CAT: variants seen among roughly 807,000 people sequenced by gnomAD.
CAT encodes catalase.
CAT carries 43 observed loss-of-function variants against 59.0 expected under a neutral mutation model. That is an observed-to-expected ratio of 0.73 (90% CI 0.57 to 0.94). The LOEUF (loss-of-function observed/expected upper bound fraction) is 0.94, where lower values mean the gene tolerates loss of function less well. Among genes scored for constraint, CAT ranks in the 40% least tolerant of loss-of-function variants. The probability of loss-of-function intolerance (pLI) is 0.00; values close to 1 mark genes in which losing one functional copy is unlikely to be tolerated. For missense variants in CAT, 664 were observed against 682.9 expected, an observed-to-expected ratio of 0.97 and a Z score of 0.31; for synonymous variants, 218 against 230.9, an observed-to-expected ratio of 0.94 and a Z score of 0.51.
At chr11:34,443,281 A>G (rs2133177080) in intron 1 of CAT, among the ~76,000 whole-genome samples, 1 of 152,324 alleles carries the variant, frequency 6.6e-6, no homozygotes, top group African/African-American at 2.4e-5. Flanking sequence ...AACACAGTCA[A>G]CCATGTGAAA....
At chr11:34,470,616 A>G in intron 11 of CAT, 1 of 351,676 alleles carries the variant, frequency 2.8e-6, no homozygotes, top group East Asian at 7.1e-5. Context: ...AAGACAGTAC[A>G]TTCGAAGGGT....
Position 34,450,204 on chromosome 11 carries a change from A to G in CAT, c.239-784A>G, listed in dbSNP as rs1856506833. Among the ~76,000 whole-genome samples, 7 of 152,364 alleles carry G rather than the reference A, an allele frequency of 4.6e-5. 1 individual carries two copies. The South Asian group carries it at 1.4e-3, about 32-fold the overall frequency. ...CTGCTGTACAGAAATACAGACATAG[A>G]CACATGCACTGCAATTGCAACTAAG... On this transcript the variant is annotated intron_variant, in intron 2 of 12. Transcript: ENST00000241052.
chr11:34,445,745 TTC>T (rs1856446096), intron 1 of CAT, among the ~76,000 whole-genome samples: 1 of 152,064 alleles, frequency 6.6e-6, no homozygotes, highest in African/African-American at 2.4e-5. Context: ...AGAGAAGCTT[TTC>T]TCTCTTTAAA....
In CAT at chr11:34,451,001, CT is replaced by C; in HGVS notation, c.255del (p.Phe85LeufsTer50). ...CTTTCTCGTTAGGGGCCTTTGGCTA[CT>C]TTGAGGTCACACATGACATTACCAA... ...HAKGAGAFGYFEVTHDITKYS... is the reference protein window; with the variant it reads ...HAKGAGAFGYXEVTHDITKYS... On this transcript the variant is annotated frameshift_variant, in exon 3 of 13. Coordinates refer to ENST00000241052, the MANE Select transcript of CAT (RefSeq NM_001752.4). LOFTEE classifies it high-confidence loss of function. 3 of 1,611,666 alleles carry C rather than the reference CT, an allele frequency of 1.9e-6. No homozygotes were observed. Among genetic ancestry groups the C allele is most frequent in the African/African-American group, 1.3e-5 (1 of 74,980 alleles).
At chr11:34,466,776 G>A (rs1445581368) in intron 10 of CAT, among the ~76,000 whole-genome samples, 30 of 72,870 alleles carry the variant, frequency 4.1e-4, no homozygotes, top group East Asian at 2.2e-3. Flanking sequence ...GCGAGACTCC[G>A]TCTCAAAAAA....
At chr11:34,455,583 A>G (rs1856578996) in intron 6 of CAT, among the ~76,000 whole-genome samples, 1 of 151,918 alleles carries the variant, frequency 6.6e-6, no homozygotes, top group Admixed American at 6.6e-5. Flanking sequence ...CTGGCCGAGC[A>G]CAGTCTCAGT....
chr11:34,454,066 T>A, intron 6 of CAT, 140 bp downstream of exon 6: 1 of 847,716 alleles, frequency 1.2e-6, no homozygotes, highest in Non-Finnish European at 1.9e-6. Context: ...ATTGATCTCA[T>A]TGATCAGTAC....
At chr11:34,466,780 C>CAAAAAAAAAAAAAAAAA (rs71457350) in intron 10 of CAT, among the ~76,000 whole-genome samples, 2 of 41,142 alleles carry the variant, frequency 4.9e-5, no homozygotes, top group African/African-American at 7.2e-5. Flanking sequence ...GACTCCGTCT[C>CAAAAAAAAAAAAAAAAA]AAAAAAAAAA....
Position 34,453,213 on chromosome 11 carries a change from C to G in CAT, c.585+19C>G. On this transcript the variant is annotated intron_variant, in intron 5 of 12. Coordinates refer to ENST00000241052, the MANE Select transcript of CAT (RefSeq NM_001752.4). ...GCATCAGGTATGAACCCTTTTTTGC[C>G]ATTGTATTATATCACCTGGGATGCA... 7.0e-7 allele frequency: 1 copy of G among 1,423,066 alleles called. No homozygotes were observed. The highest frequency in any genetic ancestry group is 9.9e-7 in the Non-Finnish European group (1 of 1,005,858). The allele number at this position is 1,423,066 out of a possible 1,614,324, so 88.2% of individuals were successfully genotyped here.
At chr11:34,452,999 C>T (rs959135015) in intron 4 of CAT, 91 bp from the exon 5 acceptor site, 2 of 792,188 alleles carry the variant, frequency 2.5e-6, no homozygotes, top group Admixed American at 3.5e-5. Context: ...AATTATAATC[C>T]ATAAACCTAG....
At chr11:34,448,029 TAGTTTTG>T (rs1369428235) in intron 1 of CAT, among the ~76,000 whole-genome samples, 1 of 152,214 alleles carries the variant, frequency 6.6e-6, no homozygotes, top group Non-Finnish European at 1.5e-5. Flanking sequence ...TCTTGTTTAT[TAGTTTTG>T]CAAATTGCAC....
At chr11:34,453,240 T>C (rs766951650) in intron 5 of CAT, 46 bp downstream of exon 5, 1 of 1,049,516 alleles carries the variant, frequency 9.5e-7, no homozygotes. Flanking sequence ...TGGGATGCAG[T>C]GTTTAATTAT....
chr11:34,449,540 T>G (rs1174626959), intron 2 of CAT, among the ~76,000 whole-genome samples, 177 bp downstream of exon 2: 1 of 152,220 alleles, frequency 6.6e-6, no homozygotes, highest in East Asian at 1.9e-4. Flanking sequence ...TTCCTCAGGT[T>G]AAACATTATA....
At chr11:34,450,072 G>GAA (rs1427042395) in intron 2 of CAT, among the ~76,000 whole-genome samples, 31 of 152,174 alleles carry the variant, frequency 2.0e-4, no homozygotes, top group Admixed American at 2.0e-3. Context: ...TAGACATGGG[G>GAA]AGAACATGCA....
chr11:34,446,316 G>C (rs993391196), intron 1 of CAT, among the ~76,000 whole-genome samples: 22 of 152,188 alleles, frequency 1.4e-4, no homozygotes, highest in African/African-American at 5.3e-4. Context: ...CTAACTGTTA[G>C]AGTGGGGAAA....
chr11:34,446,286 T>C (rs1196243535), intron 1 of CAT, among the ~76,000 whole-genome samples: 4 of 152,190 alleles, frequency 2.6e-5, no homozygotes, highest in African/African-American at 9.7e-5. Context: ...AAAGCTGTTA[T>C]ATAAATGAGG....
At position 34,452,042 on chromosome 11, in the gene CAT, G is replaced by A. The variant is rs1157403414; in HGVS notation, c.350-35G>A. 3 of 1,613,426 alleles carry A rather than the reference G, an allele frequency of 1.9e-6. No individual in the cohort carries two copies. The Admixed American group carries it at 5.0e-5, about 27-fold the overall frequency. On this transcript the variant is annotated intron_variant, in intron 3 of 12. Coordinates refer to ENST00000241052, the MANE Select transcript of CAT (RefSeq NM_001752.4). ...AGGCTTCTTGGATGCAAAGTGCTGTGGCTTATGCTTCCTGTTTCCATTTGA... is the reference window on the plus strand; with the variant it reads ...AGGCTTCTTGGATGCAAAGTGCTGTAGCTTATGCTTCCTGTTTCCATTTGA...
intron 1 of CAT, among the ~76,000 whole-genome samples, chr11:34,447,596 A>G (rs1156937623): frequency 6.6e-6 from 1 of 152,098 alleles, no homozygotes; most frequent in African/African-American, 2.4e-5. Flanking sequence ...GCTTTGCTAG[A>G]TGGGTTTAGG....
At chr11:34,451,459 G>C (rs1856522731) in intron 3 of CAT, among the ~76,000 whole-genome samples, 1 of 152,176 alleles carries the variant, frequency 6.6e-6, no homozygotes, top group Admixed American at 6.5e-5. Flanking sequence ...GTGGTTAGGT[G>C]CTTTACAGAT....
Sources: gnomAD v4.1 joint callset for allele counts (sites outside exome capture counted in the v4.1 genomes callset) on GRCh38, gnomAD v4.1.1 for gene constraint, MANE v1.5 for transcripts, NCBI Gene and HGNC (gene_info 2026-07-23, HGNC 2026-07-21) for gene names.